Variants in COASY observed in about 807,000 individuals in gnomAD.
The protein encoded by COASY is bifunctional coenzyme A synthase.
In COASY, 31 loss-of-function variants were observed where a neutral mutation model predicts 49.4. The ratio of observed to expected loss-of-function variants is 0.63; its 90% confidence interval spans 0.47 to 0.85. COASY has a LOEUF of 0.85. Among genes scored for constraint, COASY ranks in the 40% least tolerant of loss-of-function variants. COASY has a pLI of 0.00. For synonymous variants in COASY, 285 were observed against 310.9 expected (o/e 0.92, Z 0.88); for missense variants, 730 against 734.1 (o/e 0.99, Z 0.06).
chr17:42,563,879 T>G, intron 1 of COASY, 82 bp from the exon 2 acceptor site: 1 of 1,139,848 alleles, frequency 8.8e-7, no homozygotes, highest in Admixed American at 2.1e-5. Flanking sequence ...GATACTGTAC[T>G]TAGGGACACT....
Position 42,564,082 on chromosome 17 carries a change from G to A in COASY, c.822G>A (p.Gly274=). Residue 274 remains glycine (G), a synonymous_variant, in exon 2 of 9, where the codon GGG becomes GGA. Coordinates refer to ENST00000393818, the MANE Select transcript of COASY (RefSeq NM_025233.7). ...FDVIPLLDPY[G]PAGSDPSLEF... ...TCATCCCCCTGCTGGACCCCTATGG[G>A]CCCGCTGGCTCTGACCCCTCCCTGG... 2 of 1,614,098 alleles carry A rather than the reference G, an allele frequency of 1.2e-6. No individual in the cohort carries two copies. The highest frequency in any genetic ancestry group is 1.7e-6 in the Non-Finnish European group (2 of 1,180,006).
At position 42,562,362 on chromosome 17, in the gene COASY, C is replaced by A; in HGVS notation, c.-261C>A. On this transcript the variant is annotated 5_prime_UTR_variant, in exon 1 of 9. Transcript: ENST00000393818. ...GACAAGGGTTCCTGTCCAGTTTCCCCCTCCCAGGATTTCGACTCAGTTCAG... is the reference window on the plus strand; with the variant it reads ...GACAAGGGTTCCTGTCCAGTTTCCCACTCCCAGGATTTCGACTCAGTTCAG... 2 of 1,557,928 alleles carry A rather than the reference C, an allele frequency of 1.3e-6. No homozygotes were observed. The highest frequency in any genetic ancestry group is 1.8e-6 in the Non-Finnish European group (2 of 1,130,250).
chr17:42,562,307 G>T lies in COASY; in HGVS notation c.-316G>T. Reference sequence around the variant, plus strand: ...AGACCCTGGTGCAGCTTAGCAAGAGGGCCCAGGATTTTTGGATCCCCAGCC... The same window carrying T: ...AGACCCTGGTGCAGCTTAGCAAGAGTGCCCAGGATTTTTGGATCCCCAGCC... On this transcript the variant is annotated 5_prime_UTR_variant, in exon 1 of 9. Coordinates refer to ENST00000393818, the MANE Select transcript of COASY (RefSeq NM_025233.7). 3 of 1,021,868 alleles carry T rather than the reference G, an allele frequency of 2.9e-6. No individual in the cohort carries two copies. The highest frequency in any genetic ancestry group is 4.5e-6 in the Non-Finnish European group (3 of 665,802). The allele number at this position is 1,021,868 out of a possible 1,614,324, so 63.3% of individuals were successfully genotyped here.
At position 42,565,874 on chromosome 17, in the gene COASY, C is replaced by T. The variant is rs758518922; in HGVS notation, c.1633-32C>T. ...AGTGGGTACTGCCTGACCCTGCCCT[C>T]TCTTCCTCCCAACATCCTGGCCTGT... is the stretch of plus-strand genomic sequence containing the variant. On this transcript the variant is annotated intron_variant, in intron 8 of 8. Coordinates refer to ENST00000393818, the MANE Select transcript of COASY (RefSeq NM_025233.7). 9.3e-6 allele frequency: 15 copies of T among 1,613,876 alleles called. No individual in the cohort carries two copies. The South Asian group carries it at 1.4e-4, about 15-fold the overall frequency.
chr17:42,564,210 T>TG, intron 2 of COASY, 35 bp downstream of exon 2: 1 of 1,601,256 alleles, frequency 6.2e-7, no homozygotes, highest in South Asian at 1.1e-5. Flanking sequence ...AGGGAGTGGA[T>TG]GGGGGACGGG....
intron 5 of COASY, 51 bp from the exon 6 acceptor site, chr17:42,565,176 T>C (rs376429453): frequency 6.2e-7 from 1 of 1,604,780 alleles, no homozygotes; most frequent in Non-Finnish European, 8.5e-7. Context: ...TTGCTCGGGC[T>C]GGCTGCCTCT....
rs943698268 is a variant in COASY, at chr17:42,565,878, T to A, written c.1633-28T>A. On this transcript the variant is annotated intron_variant, in intron 8 of 8. Transcript: ENST00000393818. ...GGTACTGCCTGACCCTGCCCTCTCT[T>A]CCTCCCAACATCCTGGCCTGTCTGA... is the stretch of plus-strand genomic sequence containing the variant. 3 of 1,613,776 alleles carry A rather than the reference T, an allele frequency of 1.9e-6. No homozygotes were observed. The African/African-American group carries it at 4.0e-5, about 22-fold the overall frequency.
rs1486374037 is a variant in COASY, at chr17:42,562,181, C to G, written c.-442C>G. The G allele has an allele frequency of 4.2e-6, 2 of 475,926 alleles. No homozygotes were observed. Among genetic ancestry groups the G allele is most frequent in the African/African-American group, 2.0e-5 (1 of 49,788 alleles). 29.5% of individuals were successfully genotyped at this position (475,926 alleles called of 1,614,324 possible). A position where few individuals can be genotyped will look rare whatever the true frequency, so the allele number is the denominator to read the frequency against. On this transcript the variant is annotated 5_prime_UTR_variant, in exon 1 of 9. Transcript: ENST00000393818. ...TTCCGGGTTGCAGCCAGGGAAGCCT[C>G]CGCGGTGGTGCAAGTGGAACCCAAG...
Position 42,562,596 on chromosome 17 carries a change from C to G in COASY, c.-27C>G, listed in dbSNP as rs751353009. The stretch of plus-strand genomic sequence containing the variant: ...CCCTTCAGTCACCGTCGCCTCGTCT[C>G]CCTGACTGTCCGCAGGCCTGGGCAG... On this transcript the variant is annotated 5_prime_UTR_variant, in exon 1 of 9. Coordinates refer to ENST00000393818, the MANE Select transcript of COASY (RefSeq NM_025233.7). 6.5e-7 allele frequency: 1 copy of G among 1,541,142 alleles called. No individual in the cohort carries two copies. Among genetic ancestry groups the G allele is most frequent in the African/African-American group, 1.4e-5 (1 of 72,560 alleles).
At chr17:42,564,353 G>A (rs759781513) in intron 2 of COASY, 93 bp from the exon 3 acceptor site, 1 of 1,579,720 alleles carries the variant, frequency 6.3e-7, no homozygotes, top group Non-Finnish European at 8.7e-7. Flanking sequence ...GAGGAGCCTG[G>A]GTAGGAAGGG....
chr17:42,562,557 G>A lies in COASY; in HGVS notation c.-66G>A. On this transcript the variant is annotated 5_prime_UTR_variant, in exon 1 of 9. Coordinates refer to ENST00000393818, the MANE Select transcript of COASY (RefSeq NM_025233.7). Reference sequence around the variant, plus strand: ...GGTCCAAGGTCCCATACAGGCCTCTGCCTCGGCCGCAGGCCCTTCAGTCAC... The same window carrying A: ...GGTCCAAGGTCCCATACAGGCCTCTACCTCGGCCGCAGGCCCTTCAGTCAC... The A allele has an allele frequency of 6.3e-7, 1 of 1,581,566 alleles. No homozygotes were observed. Among genetic ancestry groups the A allele is most frequent in the Non-Finnish European group, 8.6e-7 (1 of 1,165,860 alleles).
chr17:42,563,061 C>T lies in COASY; in HGVS notation c.439C>T (p.Leu147=), dbSNP rs2092984911. The T allele has an allele frequency of 6.2e-7, 1 of 1,614,082 alleles. No homozygotes were observed. The highest frequency in any genetic ancestry group is 1.3e-5 in the African/African-American group (1 of 74,946). The part of the protein sequence containing the change: ...ATSCYSCCPR[L]ASVLLYSDYG... The stretch of plus-strand genomic sequence containing the variant: ...CAGCTGTTACAGCTGTTGTCCGCGA[C>T]TGGCCTCGGTGCTGCTATACTCCGA... Residue 147 remains leucine (L), a synonymous_variant, in exon 1 of 9, where the codon CTG becomes TTG. Transcript: ENST00000393818.
Position 42,563,325 on chromosome 17 carries a change from G to T in COASY, c.700+3G>T, listed in dbSNP as rs763314347. ...AGCAGACAAAGATCTGTTGAAGAGTGAGTAAGAGGGACCCTGGACTAGGGT... is the reference window on the plus strand; with the variant it reads ...AGCAGACAAAGATCTGTTGAAGAGTTAGTAAGAGGGACCCTGGACTAGGGT... On this transcript the variant is annotated splice_donor_region_variant and intron_variant, in intron 1 of 8. Transcript: ENST00000393818. 3 of 1,576,688 alleles carry T rather than the reference G, an allele frequency of 1.9e-6. No homozygotes were observed. Among genetic ancestry groups the T allele is most frequent in the Admixed American group, 1.7e-5 (1 of 59,280 alleles).
intron 1 of COASY, 40 bp downstream of exon 1, chr17:42,563,362 A>C (rs2143200586): frequency 6.6e-7 from 1 of 1,521,020 alleles, no homozygotes; most frequent in South Asian, 1.2e-5. Context: ...GAGGATCCCC[A>C]AATCTCCCCA....
In COASY at chr17:42,565,534, A is replaced by G. The variant is rs375703381; in HGVS notation, c.1451A>G (p.His484Arg). The change falls in exon 7 of 9, where the codon CAT becomes CGT. Residue 484 changes from histidine (H) to arginine (R), a missense_variant. Physicochemically the swap from His to Arg is conservative, Grantham distance 29 (BLOSUM62 0). Coordinates refer to ENST00000393818, the MANE Select transcript of COASY (RefSeq NM_025233.7). ...GAAGCCGGCTGGCAGAACCTGGTCC[A>G]TGAGGTGTGGACTGCTGTCATCCCA... ...LLEAGWQNLV[H>R]EVWTAVIPET... is the part of the protein sequence containing the mutation. The G allele has an allele frequency of 6.2e-7, 1 of 1,614,214 alleles. No individual in the cohort carries two copies. The highest frequency in any genetic ancestry group is 8.5e-7 in the Non-Finnish European group (1 of 1,180,024).
At position 42,562,149 on chromosome 17, in the gene COASY, T is replaced by C; in HGVS notation, c.-474T>C. On this transcript the variant is annotated 5_prime_UTR_variant, in exon 1 of 9. Coordinates refer to ENST00000393818, the MANE Select transcript of COASY (RefSeq NM_025233.7). ...GTAGTTCCGAGTTGCGGTTTCTCCG[T>C]TAGTGCTTCCGGGTTGCAGCCAGGG... 2.1e-6 allele frequency: 1 copy of C among 477,450 alleles called. No individual in the cohort carries two copies. Among genetic ancestry groups the C allele is most frequent in the East Asian group, 3.6e-5 (1 of 28,072 alleles). The allele number at this position is 477,450 out of a possible 1,614,324, so 29.6% of individuals were successfully genotyped here.
chr17:42,562,420 A>C lies in COASY; in HGVS notation c.-203A>C, dbSNP rs1480346012. ...ACCGCCCCGTCTGAGAAATGAGGAC[A>C]CCAAGGCTTAGAGCACAGCCCCGAG... On this transcript the variant is annotated 5_prime_UTR_variant, in exon 1 of 9. Coordinates refer to ENST00000393818, the MANE Select transcript of COASY (RefSeq NM_025233.7). The C allele has an allele frequency of 6.2e-7, 1 of 1,613,860 alleles. No individual in the cohort carries two copies. The highest frequency in any genetic ancestry group is 8.5e-7 in the Non-Finnish European group (1 of 1,179,830).
chr17:42,562,786 C>A lies in COASY; in HGVS notation c.164C>A (p.Ser55Tyr), dbSNP rs615942. The A allele has an allele frequency of 0.55, 880,879 of 1,609,410 alleles. 243,392 individuals carry two copies. Among genetic ancestry groups the A allele is most frequent in the South Asian group, 0.63 (57,538 of 90,958 alleles). The change falls in exon 1 of 9, where the codon TCC becomes TAC. Residue 55 changes from serine (S) to tyrosine (Y), a missense_variant. Transcript: ENST00000393818. ...CTGGAGGGCCCGGCTCAGCCCCAGT[C>A]CAGCCCCGTGCAGGCCACGTTTGAG... ...MSLEGPAQPQSSPVQATFEVL... is the reference protein window; with the variant it reads ...MSLEGPAQPQYSPVQATFEVL...
chr17:42,562,218 C>T lies in COASY; in HGVS notation c.-405C>T. ...AAGTGGAACCCAAGCCTTGAGGTTT[C>T]AGTGAGTAGGGGGCCGACGTGAGCT... On this transcript the variant is annotated 5_prime_UTR_variant, in exon 1 of 9. Transcript: ENST00000393818. 4.0e-6 allele frequency: 2 copies of T among 505,880 alleles called. No homozygotes were observed. Among genetic ancestry groups the T allele is most frequent in the Non-Finnish European group, 3.5e-6 (1 of 284,944 alleles). 31.3% of individuals were successfully genotyped at this position (505,880 alleles called of 1,614,324 possible). A position where few individuals can be genotyped will look rare whatever the true frequency, so the allele number is the denominator to read the frequency against.
Sources: allele counts gnomAD v4.1 joint callset, GRCh38; gene constraint gnomAD v4.1.1; transcripts MANE v1.5; gene names NCBI Gene and HGNC (gene_info 2026-07-23, HGNC 2026-07-21).